The following TFDP2 variants were observed in gnomAD, a reference collection of about 807,000 sequenced individuals.
The protein encoded by TFDP2 is transcription factor Dp-2 (E2F dimerization partner 2).
A neutral mutation model predicts 59.3 loss-of-function variants in TFDP2; 17 were observed. The ratio of observed to expected loss-of-function variants is 0.29; its 90% CI spans 0.20 to 0.43. The LOEUF (loss-of-function observed/expected upper bound fraction) is 0.43. TFDP2 is among the 20% of genes least tolerant of loss of function. The pLI is 1.00. For missense variants in TFDP2, 391 were observed against 528.8 expected, an observed-to-expected ratio of 0.74 and a Z score of 2.56; for synonymous variants, 180 against 194.7, an observed-to-expected ratio of 0.92 and a Z score of 0.63.
At chr3:142,130,920 G>A (rs796979158) in intron 1 of TFDP2, among the ~76,000 whole-genome samples, 2 of 150,570 alleles carry the variant, frequency 1.3e-5, no homozygotes, top group African/African-American at 5.0e-5. Context: ...AAATGTGGTG[G>A]TGGGCGCCTG....
At chr3:141,980,118 T>G (rs1322655576) in intron 6 of TFDP2, among the ~76,000 whole-genome samples, 1 of 151,594 alleles carries the variant, frequency 6.6e-6, no homozygotes, top group Non-Finnish European at 1.5e-5. Context: ...TTGCCCAGGC[T>G]GCTCTTGAAC....
intron 1 of TFDP2, among the ~76,000 whole-genome samples, chr3:142,115,729 T>G (rs1189090462): frequency 6.6e-6 from 1 of 152,280 alleles, no homozygotes; most frequent in Non-Finnish European, 1.5e-5. Flanking sequence ...GATGTTGTTT[T>G]TTTCATTTAA....
At chr3:142,030,933 A>G (rs9850384) in intron 3 of TFDP2, among the ~76,000 whole-genome samples, 132,071 of 150,202 alleles carry the variant, frequency 0.88, 58,332 homozygotes, top group African/African-American at 0.97. Flanking sequence ...TAGTAGAGAC[A>G]GGGTTTCACC....
At position 141,952,566 on chromosome 3, in the gene TFDP2, A is replaced by T; in HGVS notation, c.1288T>A (p.Phe430Ile). ...SESRGETPCS[F>I]NDEDEEDDEE... ...TCATCTTCCTCATCTTCATCATTGA[A>T]CGAACAGGGGGTCTCGCCTCGGGAC... The change falls in exon 13 of 13, where the codon TTC (phenylalanine) becomes ATC (isoleucine). Residue 430 changes from phenylalanine (F) to isoleucine (I), a missense_variant. Coordinates refer to ENST00000489671, the MANE Select transcript of TFDP2 (RefSeq NM_001178139.2). 6.4e-7 allele frequency: 1 copy of T among 1,563,254 alleles called. No homozygotes were observed. Among genetic ancestry groups the T allele is most frequent in the Non-Finnish European group, 8.6e-7 (1 of 1,164,808 alleles).
chr3:142,140,987 G>A (rs2062932019), intron 1 of TFDP2, among the ~76,000 whole-genome samples: 1 of 152,234 alleles, frequency 6.6e-6, no homozygotes, highest in Non-Finnish European at 1.5e-5. Context: ...GGAGTCTATA[G>A]AGGCAGTAGG....
chr3:142,052,238 C>T (rs1287614029), intron 3 of TFDP2, among the ~76,000 whole-genome samples: 2 of 151,988 alleles, frequency 1.3e-5, no homozygotes, highest in African/African-American at 2.4e-5. Flanking sequence ...GGAAAATGTA[C>T]GAGAAAACCT....
At chr3:141,953,105 G>A in intron 11 of TFDP2, 89 bp from the exon 12 acceptor site, 1 of 870,918 alleles carries the variant, frequency 1.1e-6, no homozygotes, top group Non-Finnish European at 1.9e-6. Context: ...AGAAAAGCAA[G>A]AGCTAAGCTT....
At chr3:142,038,749 AG>A (rs916077111) in intron 3 of TFDP2, among the ~76,000 whole-genome samples, 16 of 152,188 alleles carry the variant, frequency 1.1e-4, no homozygotes, top group Non-Finnish European at 1.8e-4. Flanking sequence ...TTTACAAAAA[AG>A]GGGATCACAC....
At chr3:142,015,650 G>A (rs370956984) in intron 3 of TFDP2, among the ~76,000 whole-genome samples, 98 of 152,282 alleles carry the variant, frequency 6.4e-4, no homozygotes, top group African/African-American at 2.3e-3. Flanking sequence ...GGTTCCTGAC[G>A]CAGCTCCATG....
At chr3:142,116,150 A>G (rs1326996977) in intron 1 of TFDP2, among the ~76,000 whole-genome samples, 1 of 151,582 alleles carries the variant, frequency 6.6e-6, no homozygotes, top group East Asian at 1.9e-4. Context: ...TTGCAACTTC[A>G]AACTCCTGGG....
intron 3 of TFDP2, among the ~76,000 whole-genome samples, chr3:142,072,997 T>G (rs2060298161): frequency 6.6e-6 from 1 of 152,164 alleles, no homozygotes; most frequent in Non-Finnish European, 1.5e-5. Flanking sequence ...AAAGACTAAC[T>G]TTACTGTGGA....
intron 4 of TFDP2, among the ~76,000 whole-genome samples, chr3:141,999,541 A>G (rs1943574473): frequency 6.6e-6 from 1 of 152,172 alleles, no homozygotes; most frequent in Admixed American, 6.5e-5. Flanking sequence ...GACAGCCTGT[A>G]AGAAAAGGGC....
intron 7 of TFDP2, among the ~76,000 whole-genome samples, chr3:141,977,128 T>TTC (rs1940801544): frequency 2.7e-5 from 3 of 110,778 alleles, no homozygotes; most frequent in Non-Finnish European, 5.3e-5. Flanking sequence ...TTTTTTTTTT[T>TTC]CCCCCCAAAG....
At chr3:142,038,303 G>T (rs1036372923) in intron 3 of TFDP2, among the ~76,000 whole-genome samples, 1 of 144,484 alleles carries the variant, frequency 6.9e-6, no homozygotes, top group African/African-American at 2.6e-5. Context: ...AGAATGGCGT[G>T]AACCCGGGAG....
chr3:141,998,783 T>C (rs2108224342), intron 4 of TFDP2, among the ~76,000 whole-genome samples: 1 of 152,238 alleles, frequency 6.6e-6, no homozygotes, highest in East Asian at 1.9e-4. Context: ...ACAATAGAAT[T>C]AGTTACTCTG....
chr3:142,092,984 C>A (rs1484767842), intron 3 of TFDP2, 77 bp downstream of exon 3: 5 of 927,524 alleles, frequency 5.4e-6, no homozygotes, highest in Non-Finnish European at 6.4e-6. Context: ...TAAAGTAATT[C>A]ATGTAGCTGC....
chr3:141,975,442 C>A (rs1940480958), intron 7 of TFDP2, among the ~76,000 whole-genome samples: 1 of 151,944 alleles, frequency 6.6e-6, no homozygotes, highest in South Asian at 2.1e-4. Context: ...CCTGTAATCC[C>A]ACCACTTTGA....
chr3:142,058,612 C>T lies in TFDP2; in HGVS notation c.82+34449G>A, dbSNP rs567676994. On this transcript the variant is annotated intron_variant, in intron 3 of 12. Coordinates refer to ENST00000489671, the MANE Select transcript of TFDP2 (RefSeq NM_001178139.2). ...AGAACTCAGTATAGCACTTTACTTA[C>T]TATTACTGGTTTGTTTAAAAGGCTA... Among the ~76,000 whole-genome samples the T allele has an allele frequency of 2.4e-4, 37 of 152,214 alleles. No homozygotes were observed. In the Middle Eastern group the frequency reaches 0.01, roughly 42 times the overall value.
intron 6 of TFDP2, among the ~76,000 whole-genome samples, chr3:141,991,916 T>A (rs1942812571): frequency 6.6e-6 from 1 of 151,446 alleles, no homozygotes; most frequent in Non-Finnish European, 1.5e-5. Context: ...GTGGTGCATG[T>A]CTGTAATCCC....
Sources: gnomAD v4.1 joint callset for allele counts (sites outside exome capture counted in the v4.1 genomes callset) on GRCh38, gnomAD v4.1.1 for gene constraint, MANE v1.5 for transcripts, NCBI Gene and HGNC (gene_info 2026-07-23, HGNC 2026-07-21) for gene names.